Variants in HS6ST3 observed in about 807,000 individuals in gnomAD.
The protein encoded by HS6ST3 is heparan sulfate 6-O-sulfotransferase 3, also known as heparan-sulfate 6-O-sulfotransferase 3.
A neutral mutation model predicts 36.7 loss-of-function variants in HS6ST3; 12 were observed. The observed-to-expected ratio is 0.33, with a 90% CI of 0.21 to 0.53. The LOEUF (loss-of-function observed/expected upper bound fraction) is 0.53, where lower values mean the gene tolerates loss of function less well. Ranked by LOEUF, HS6ST3 falls within the 20% of genes least tolerant of loss-of-function variation. The pLI, the probability that HS6ST3 is intolerant of heterozygous loss-of-function variation, is 0.95. For synonymous variants in HS6ST3, 240 were observed against 257.5 expected, an observed-to-expected ratio of 0.93 and a Z score of 0.65; for missense variants, 584 against 640.9, an observed-to-expected ratio of 0.91 and a Z score of 0.96.
chr13:96,092,679 A>G (rs893700081), intron 1 of HS6ST3, among the ~76,000 whole-genome samples: 1 of 152,228 alleles, frequency 6.6e-6, no homozygotes, highest in Non-Finnish European at 1.5e-5. Context: ...TAGCTTTTGC[A>G]TTTGACGTTA....
At chr13:96,454,917 A>G (rs1447725096) in intron 1 of HS6ST3, among the ~76,000 whole-genome samples, 4 of 150,506 alleles carry the variant, frequency 2.7e-5, no homozygotes, top group Non-Finnish European at 4.4e-5. Context: ...CAAGCAGAAG[A>G]GTATACAATA....
At chr13:96,821,681 C>T (rs559895823) in intron 1 of HS6ST3, among the ~76,000 whole-genome samples, 1 of 152,184 alleles carries the variant, frequency 6.6e-6, no homozygotes, top group African/African-American at 2.4e-5. Flanking sequence ...AGGAGATGAC[C>T]TCAGAGACAA....
At chr13:96,812,332 C>G (rs1317349764) in intron 1 of HS6ST3, among the ~76,000 whole-genome samples, 2 of 152,184 alleles carry the variant, frequency 1.3e-5, no homozygotes, top group East Asian at 3.9e-4. Context: ...CTTTCTCTTT[C>G]TTGAAGCCTT....
chr13:96,395,254 G>A (rs1159331973), intron 1 of HS6ST3, among the ~76,000 whole-genome samples: 1 of 152,138 alleles, frequency 6.6e-6, no homozygotes, highest in Non-Finnish European at 1.5e-5. Context: ...GTATTTATTA[G>A]CATTACAGCA....
chr13:96,750,704 A>G (rs924001554), intron 1 of HS6ST3, among the ~76,000 whole-genome samples: 2 of 152,228 alleles, frequency 1.3e-5, no homozygotes, highest in African/African-American at 2.4e-5. Context: ...CCATGTAGAC[A>G]TTCAAGAAAG....
chr13:96,284,907 TTTGCTTTC>T (rs1470837899), intron 1 of HS6ST3, among the ~76,000 whole-genome samples: 3 of 129,484 alleles, frequency 2.3e-5, no homozygotes, highest in Admixed American at 7.6e-5. Flanking sequence ...TGAATGCATA[TTTGCTTTC>T]TTTCTTTCTT....
At chr13:96,348,050 T>A (rs1412308850) in intron 1 of HS6ST3, among the ~76,000 whole-genome samples, 1 of 152,184 alleles carries the variant, frequency 6.6e-6, no homozygotes, top group East Asian at 1.9e-4. Flanking sequence ...ATTTTTTGAA[T>A]AAATTTAAAT....
intron 1 of HS6ST3, chr13:96,573,855 A>G (rs2056310293): frequency 2.2e-6 from 1 of 446,924 alleles, no homozygotes. Context: ...CATCACACGA[A>G]TGAATCCAGC....
At chr13:96,229,999 C>T (rs1210431321) in intron 1 of HS6ST3, among the ~76,000 whole-genome samples, 4 of 152,072 alleles carry the variant, frequency 2.6e-5, no homozygotes, top group African/African-American at 7.2e-5. Context: ...TAGGAAAGCA[C>T]GGGGTATGTT....
intron 1 of HS6ST3, among the ~76,000 whole-genome samples, chr13:96,199,228 A>G (rs2139350444): frequency 1.3e-5 from 2 of 152,332 alleles, no homozygotes; most frequent in Admixed American, 1.3e-4. Context: ...ACACAGCCAA[A>G]CCATATTAAC....
intron 1 of HS6ST3, among the ~76,000 whole-genome samples, chr13:96,634,890 T>TTGTTGGACTTGTTG: frequency 6.6e-6 from 1 of 151,996 alleles, no homozygotes; most frequent in Non-Finnish European, 1.5e-5. Flanking sequence ...TTTGAGTCAT[T>TTGTTGGACTTGTTG]AGGTTTAATC....
intron 1 of HS6ST3, among the ~76,000 whole-genome samples, chr13:96,780,992 A>T (rs1455884314): frequency 6.6e-6 from 1 of 151,662 alleles, no homozygotes; most frequent in Admixed American, 6.6e-5. Context: ...TTACTGCATA[A>T]ACATTATTAC....
At chr13:96,317,372 TTATATA>T (rs57780978) in intron 1 of HS6ST3, among the ~76,000 whole-genome samples, 2,755 of 52,046 alleles carry the variant, frequency 0.053, 162 homozygotes, top group African/African-American at 0.12. Flanking sequence ...ATATATAAAA[TTATATA>T]TATATATATA....
At chr13:96,794,001 A>C (rs934311152) in intron 1 of HS6ST3, among the ~76,000 whole-genome samples, 1 of 152,044 alleles carries the variant, frequency 6.6e-6, no homozygotes, top group Non-Finnish European at 1.5e-5. Flanking sequence ...TAGTTTTGTC[A>C]TCATCACCCA....
chr13:96,651,877 T>C (rs2056608811), intron 1 of HS6ST3, among the ~76,000 whole-genome samples: 1 of 152,104 alleles, frequency 6.6e-6, no homozygotes, highest in Admixed American at 6.6e-5. Context: ...TCAGTTAGTA[T>C]ATGTGTAATG....
At chr13:96,675,189 A>C (rs1250311033) in intron 1 of HS6ST3, among the ~76,000 whole-genome samples, 1 of 152,094 alleles carries the variant, frequency 6.6e-6, no homozygotes, top group Non-Finnish European at 1.5e-5. Flanking sequence ...TCCCAGTATG[A>C]ATTATAGTTT....
intron 1 of HS6ST3, among the ~76,000 whole-genome samples, chr13:96,208,505 G>C (rs1035713839): frequency 6.6e-6 from 1 of 152,120 alleles, no homozygotes; most frequent in Non-Finnish European, 1.5e-5. Flanking sequence ...CCTAATTTCC[G>C]AGGGTTCAAC....
intron 1 of HS6ST3, among the ~76,000 whole-genome samples, chr13:96,780,731 C>T (rs1877504424): frequency 6.6e-6 from 1 of 152,062 alleles, no homozygotes; most frequent in African/African-American, 2.4e-5. Context: ...AAAGCCTCTG[C>T]CTCCTTCTTA....
chr13:96,316,113 G>A (rs2054967791), intron 1 of HS6ST3, among the ~76,000 whole-genome samples: 1 of 152,160 alleles, frequency 6.6e-6, no homozygotes, highest in Non-Finnish European at 1.5e-5. Context: ...ACCAGTACTT[G>A]TGGACCACTA....
Sources: gnomAD v4.1 joint callset for allele counts (sites outside exome capture counted in the v4.1 genomes callset) on GRCh38, gnomAD v4.1.1 for gene constraint, MANE v1.5 for transcripts, NCBI Gene and HGNC (gene_info 2026-07-23, HGNC 2026-07-21) for gene names.